The following ZNF233 variants were observed in gnomAD, a reference collection of about 807,000 sequenced individuals.
The protein encoded by ZNF233 is zinc finger protein 233.
Under a neutral mutation model 11.6 loss-of-function variants are expected in ZNF233, and 7 were observed. That is an observed-to-expected ratio of 0.60 (90% CI 0.34 to 1.13). The LOEUF is 1.13. Among genes scored for constraint, ZNF233 ranks in the 50% most tolerant of loss-of-function variants. ZNF233 has a pLI of 0.03. For missense variants in ZNF233, 711 were observed against 785.5 expected, an observed-to-expected ratio of 0.91 and a Z score of 1.13; for synonymous variants, 226 against 268.5, an observed-to-expected ratio of 0.84 and a Z score of 1.55.
rs199774855 is a variant in ZNF233 at position 44,273,410 on chromosome 19, T to C, written c.750T>C (p.His250=). ...ACTGTGTGAAGGAATCATCCCAGCATAGCATAATCCAATCAGGAGAGCAAA... is the reference window on the plus strand; with the variant it reads ...ACTGTGTGAAGGAATCATCCCAGCACAGCATAATCCAATCAGGAGAGCAAA... ...GKDCVKESSQ[H]SIIQSGEQTS... The change falls in exon 5 of 5, where the codon CAT becomes CAC. Residue 250 remains histidine, a synonymous_variant. Transcript: ENST00000683810. 15 of 1,614,076 alleles carry C rather than the reference T, an allele frequency of 9.3e-6. No individual in the cohort carries two copies. The highest frequency in any genetic ancestry group is 3.3e-5 in the South Asian group (3 of 91,094).
Position 44,273,828 on chromosome 19 carries a change from G to A in ZNF233, c.1168G>A (p.Val390Ile). ...HHSLDFDIHCVDSAGERACKC... is the reference protein window; with the variant it reads ...HHSLDFDIHCIDSAGERACKC... ...TAGCTTAGATTTTGACATTCACTGT[G>A]TAGACAGTGCTGGAGAGAGAGCCTG... The change falls in exon 5 of 5, where the codon GTA becomes ATA. Residue 390 changes from valine (V) to isoleucine (I), a missense_variant. Val to Ile is a conservative substitution (Grantham distance 29). Transcript: ENST00000683810. The A allele has an allele frequency of 6.2e-7, 1 of 1,614,124 alleles. No individual in the cohort carries two copies. The highest frequency in any genetic ancestry group is 8.5e-7 in the Non-Finnish European group (1 of 1,180,010).
In ZNF233 at chr19:44,274,886, G is replaced by A. The variant is rs900069901; in HGVS notation, c.*213G>A. ...ACCAGTTTCAAGCAGAGCCCAAAAT[G>A]TCACAGTTGTCAAGAGAACACACAA... On this transcript the variant is annotated 3_prime_UTR_variant, in exon 5 of 5. Coordinates refer to ENST00000683810, the MANE Select transcript of ZNF233 (RefSeq NM_001207005.2). 18 of 489,836 alleles carry A rather than the reference G, an allele frequency of 3.7e-5. No homozygotes were observed. Among genetic ancestry groups the A allele is most frequent in the Middle Eastern group, 5.2e-4 (1 of 1,916 alleles). 30.3% of individuals were successfully genotyped at this position (489,836 alleles called of 1,614,324 possible). A position where few individuals can be genotyped will look rare whatever the true frequency, so the allele number is the denominator to read the frequency against.
intron 4 of ZNF233, among the ~76,000 whole-genome samples, chr19:44,272,182 C>T (rs974285586): frequency 3.3e-5 from 5 of 149,732 alleles, no homozygotes; most frequent in African/African-American, 1.2e-4. Context: ...AAGCCAAGAT[C>T]GTGCCACCAC....
chr19:44,260,783 TGGA>T (rs1448512584), intron 1 of ZNF233, among the ~76,000 whole-genome samples: 2 of 152,206 alleles, frequency 1.3e-5, no homozygotes, highest in African/African-American at 4.8e-5. Flanking sequence ...TCTGCTTAGT[TGGA>T]GAACAGATTT....
chr19:44,274,759 A>G lies in ZNF233; in HGVS notation c.*86A>G, dbSNP rs1459395245. The G allele has an allele frequency of 7.0e-6, 7 of 999,386 alleles. No individual in the cohort carries two copies. Among genetic ancestry groups the G allele is most frequent in the Non-Finnish European group, 8.5e-6 (6 of 702,702 alleles). The allele number at this position is 999,386 out of a possible 1,614,324, so 61.9% of individuals were successfully genotyped here. On this transcript the variant is annotated 3_prime_UTR_variant, in exon 5 of 5. Coordinates refer to ENST00000683810, the MANE Select transcript of ZNF233 (RefSeq NM_001207005.2). ...CCCATTTTCCTCAGAAAATCCACAC[A>G]GCACAGAATATTTATAAAATGTCAT...
Position 44,266,315 on chromosome 19 carries a change from C to T in ZNF233, c.133C>T (p.Leu45=), listed in dbSNP as rs1477089077. 6.2e-7 allele frequency: 1 copy of T among 1,604,362 alleles called. No individual in the cohort carries two copies. Among genetic ancestry groups the T allele is most frequent in the Admixed American group, 1.7e-5 (1 of 59,512 alleles). ...DVMLENFRNL[L]SVGYQPFKLD... ...GATGCTGGAGAACTTCAGGAACCTG[C>T]TGTCAGTGGGTGAGCACAGGCACCT... is the stretch of plus-strand genomic sequence containing the variant. Residue 45 remains leucine, a synonymous_variant, in exon 3 of 5, where the codon CTG becomes TTG. Transcript: ENST00000683810.
Position 44,274,424 on chromosome 19 carries a change from A to G in ZNF233, c.1764A>G (p.Gly588=). 1.9e-6 allele frequency: 3 copies of G among 1,614,248 alleles called. No homozygotes were observed. The highest frequency in any genetic ancestry group is 2.5e-6 in the Non-Finnish European group (3 of 1,180,040). ...HLQAHQRVHT[G]EKPYKCEECR... ...AAGCCCATCAGAGAGTCCACACAGG[A>G]GAGAAACCATACAAATGTGAAGAAT... The change falls in exon 5 of 5, where the codon GGA becomes GGG. Residue 588 remains glycine (G), a synonymous_variant. Coordinates refer to ENST00000683810, the MANE Select transcript of ZNF233 (RefSeq NM_001207005.2).
At chr19:44,264,809 C>T (rs1303867971) in intron 2 of ZNF233, among the ~76,000 whole-genome samples, 1 of 151,838 alleles carries the variant, frequency 6.6e-6, no homozygotes, top group Non-Finnish European at 1.5e-5. Context: ...ATTTAGTGTT[C>T]CTTTATGTAT....
At chr19:44,267,375 G>C (rs980398729) in intron 4 of ZNF233, 1 of 379,646 alleles carries the variant, frequency 2.6e-6, no homozygotes, top group African/African-American at 2.3e-5. Context: ...TTTTCTTTAA[G>C]ACAGGTCTCA....
At chr19:44,272,825 G>T in intron 4 of ZNF233, 74 bp from the exon 5 acceptor site, 4 of 1,096,802 alleles carry the variant, frequency 3.6e-6, no homozygotes, top group Non-Finnish European at 5.2e-6. Flanking sequence ...GTCAACCTGT[G>T]AAATGTTTTT....
In ZNF233 at chr19:44,265,810, T is replaced by C. The variant is rs377523446; in HGVS notation, c.16-388T>C. 2.4e-4 allele frequency among the ~76,000 whole-genome samples: 37 copies of C among 152,348 alleles called. No homozygotes were observed. In the East Asian group the frequency reaches 4.4e-3, roughly 18 times the overall value. ...CAAATTGTGCTACTATAAACGTGCA[T>C]GTACAAACACCTTTTTCAGCGTTGG... On this transcript the variant is annotated intron_variant, in intron 2 of 4. Coordinates refer to ENST00000683810, the MANE Select transcript of ZNF233 (RefSeq NM_001207005.2).
At position 44,273,329 on chromosome 19, in the gene ZNF233, T is replaced by C; in HGVS notation, c.669T>C (p.Asp223=). The change falls in exon 5 of 5, where the codon GAT becomes GAC. Residue 223 remains aspartate, a synonymous_variant. Coordinates refer to ENST00000683810, the MANE Select transcript of ZNF233 (RefSeq NM_001207005.2). ...CVRQRIAHQH[D]DHGVHKREKA... Reference sequence around the variant, plus strand: ...GGCAAAGAATTGCTCATCAACATGATGATCATGGAGTACACAAAAGAGAGA... The same window carrying C: ...GGCAAAGAATTGCTCATCAACATGACGATCATGGAGTACACAAAAGAGAGA... 1.2e-6 allele frequency: 2 copies of C among 1,614,172 alleles called. No homozygotes were observed. Among genetic ancestry groups the C allele is most frequent in the South Asian group, 1.1e-5 (1 of 91,084 alleles).
intron 4 of ZNF233, among the ~76,000 whole-genome samples, chr19:44,270,186 T>A (rs1975198991): frequency 6.6e-6 from 1 of 152,084 alleles, no homozygotes; most frequent in Non-Finnish European, 1.5e-5. Flanking sequence ...GTGTTAGTTA[T>A]CAATTATTTT....
rs1975300088 is a variant in ZNF233 at position 44,273,469 on chromosome 19, GC to G, written c.810del (p.Ser271LeufsTer11). ...GAAAATGGAAAAGGCTTAAGTGTTGGCTCTAATCTTGAACTTCACCAGCAAC... is the reference window on the plus strand; with the variant it reads ...GAAAATGGAAAAGGCTTAAGTGTTGGTCTAATCTTGAACTTCACCAGCAAC... Reference protein sequence around the residue: ...SDENGKGLSVGSNLELHQQLH... With the variant: ...SDENGKGLSVXSNLELHQQLH... On this transcript the variant is annotated frameshift_variant, in exon 5 of 5. Coordinates refer to ENST00000683810, the MANE Select transcript of ZNF233 (RefSeq NM_001207005.2). LOFTEE classifies it low-confidence loss of function (END_TRUNC). The G allele has an allele frequency of 6.2e-7, 1 of 1,614,082 alleles. No individual in the cohort carries two copies. The highest frequency in any genetic ancestry group is 1.3e-5 in the African/African-American group (1 of 74,924).
At position 44,274,728 on chromosome 19, in the gene ZNF233, A is replaced by C; in HGVS notation, c.*55A>C. 7.3e-7 allele frequency: 1 copy of C among 1,364,494 alleles called. No homozygotes were observed. Among genetic ancestry groups the C allele is most frequent in the Non-Finnish European group, 9.9e-7 (1 of 1,007,716 alleles). The allele number at this position is 1,364,494 out of a possible 1,614,324, so 84.5% of individuals were successfully genotyped here. A position where few individuals can be genotyped will look rare whatever the true frequency, so the allele number is the denominator to read the frequency against. On this transcript the variant is annotated 3_prime_UTR_variant, in exon 5 of 5. Coordinates refer to ENST00000683810, the MANE Select transcript of ZNF233 (RefSeq NM_001207005.2). ...GTGATAGGGGTGCTCTTCAAGACTT[A>C]GACTTCCCATTTTCCTCAGAAAATC...
chr19:44,265,053 G>C (rs1463539366), intron 2 of ZNF233, among the ~76,000 whole-genome samples: 1 of 151,968 alleles, frequency 6.6e-6, no homozygotes, highest in African/African-American at 2.4e-5. Context: ...ACAAGATATA[G>C]AACATTTATA....
chr19:44,273,244 A>G lies in ZNF233; in HGVS notation c.584A>G (p.Gln195Arg). The G allele has an allele frequency of 1.2e-6, 2 of 1,613,918 alleles. No homozygotes were observed. The highest frequency in any genetic ancestry group is 1.7e-6 in the Non-Finnish European group (2 of 1,180,040). ...TATCTGAGAGAACCACAGAATTATC[A>G]GAGTAGGTGTCAGCAAATTGATGTA... Reference protein sequence around the residue: ...KMYLREPQNYQSRCQQIDVKN... With the variant: ...KMYLREPQNYRSRCQQIDVKN... Residue 195 changes from glutamine (Q) to arginine (R), a missense_variant, in exon 5 of 5, where the codon CAG (glutamine) becomes CGG (arginine). Physicochemically the swap from Gln to Arg is conservative, Grantham distance 43. Transcript: ENST00000683810.
chr19:44,271,368 T>G (rs999258451), intron 4 of ZNF233, among the ~76,000 whole-genome samples: 1 of 152,242 alleles, frequency 6.6e-6, no homozygotes, highest in Admixed American at 6.5e-5. Flanking sequence ...TTGTGAATGC[T>G]GAAGGAGAGA....
intron 4 of ZNF233, among the ~76,000 whole-genome samples, chr19:44,268,378 C>T (rs540497530): frequency 2.0e-5 from 3 of 152,082 alleles, no homozygotes; most frequent in South Asian, 4.2e-4. Flanking sequence ...AGATGGGGGT[C>T]TGGCTTTTTC....
Sources: allele counts gnomAD v4.1 joint callset (sites outside exome capture counted in the v4.1 genomes callset), GRCh38; gene constraint gnomAD v4.1.1; transcripts MANE v1.5; gene names NCBI Gene and HGNC (gene_info 2026-07-23, HGNC 2026-07-21).